Variants in DRD2 observed in about 807,000 individuals in gnomAD.
DRD2 encodes the protein dopamine receptor D2.
In DRD2, 8 loss-of-function variants were observed where a neutral mutation model predicts 38.0. That is an observed-to-expected ratio of 0.21 (90% CI 0.12 to 0.38). The LOEUF (loss-of-function observed/expected upper bound fraction) is 0.38. DRD2 is among the 10% of genes least tolerant of loss of function. DRD2 has a pLI of 1.00. For synonymous variants in DRD2, 230 were observed against 238.6 expected (o/e 0.96, Z 0.33); for missense variants, 403 against 607.7 (o/e 0.66, Z 3.54).
At chr11:113,455,314 A>G (rs1262842640) in intron 1 of DRD2, among the ~76,000 whole-genome samples, 1 of 152,152 alleles carries the variant, frequency 6.6e-6, no homozygotes, top group Non-Finnish European at 1.5e-5. Context: ...GTGAGCTGAG[A>G]TCACACCACA....
intron 1 of DRD2, among the ~76,000 whole-genome samples, chr11:113,430,716 G>C (rs1477772394): frequency 6.6e-6 from 1 of 152,188 alleles, no homozygotes; most frequent in Non-Finnish European, 1.5e-5. Flanking sequence ...GTTCATGGTA[G>C]CGGAGTGAGG....
intron 1 of DRD2, among the ~76,000 whole-genome samples, chr11:113,429,948 A>G (rs1457271724): frequency 1.3e-5 from 2 of 152,244 alleles, no homozygotes; most frequent in Non-Finnish European, 2.9e-5. Context: ...GAGAATGTCA[A>G]CTTTAAAAAT....
At chr11:113,419,491 C>A (rs1166763169) in intron 2 of DRD2, among the ~76,000 whole-genome samples, 1 of 139,192 alleles carries the variant, frequency 7.2e-6, no homozygotes. Context: ...CCGCCCTCCC[C>A]CCTCCCCACG....
intron 1 of DRD2, among the ~76,000 whole-genome samples, chr11:113,431,382 C>G (rs932698191): frequency 6.6e-6 from 1 of 152,176 alleles, no homozygotes. Flanking sequence ...TTCCATGGGT[C>G]CTCTGAGGCC....
At chr11:113,458,024 A>G (rs942295358) in intron 1 of DRD2, among the ~76,000 whole-genome samples, 1 of 152,234 alleles carries the variant, frequency 6.6e-6, no homozygotes, top group East Asian at 1.9e-4. Flanking sequence ...GGGAAGCCAG[A>G]CTGTTGAAAA....
Position 113,415,649 on chromosome 11 carries a change from G to A in DRD2, c.533-38C>T, listed in dbSNP as rs573022587. ...GAGCCCGGGCAGGCAGGGAGTCAGC[G>A]GGCCCACCGGCCATAATTCCACAAG... On this transcript the variant is annotated intron_variant, in intron 4 of 7. Transcript: ENST00000362072. 69 of 1,577,374 alleles carry A rather than the reference G, an allele frequency of 4.4e-5. 1 individual carries two copies. Among genetic ancestry groups the A allele is most frequent in the East Asian group, 3.7e-4 (16 of 42,744 alleles).
chr11:113,472,189 AC>A (rs1324995245), intron 1 of DRD2, among the ~76,000 whole-genome samples: 1 of 152,226 alleles, frequency 6.6e-6, no homozygotes, highest in African/African-American at 2.4e-5. Context: ...ACACACAAAC[AC>A]ATACACATAC....
At chr11:113,434,804 C>A (rs145316998) in intron 1 of DRD2, among the ~76,000 whole-genome samples, 36 of 152,310 alleles carry the variant, frequency 2.4e-4, no homozygotes, top group Non-Finnish European at 4.9e-4. Flanking sequence ...CAGCCAGAGA[C>A]TACCAAGCAT....
chr11:113,413,345 G>C (rs756967048), intron 6 of DRD2: 2 of 526,690 alleles, frequency 3.8e-6, no homozygotes, highest in Non-Finnish European at 7.5e-6. Flanking sequence ...CTGCACCTGC[G>C]TACACACGTG....
At chr11:113,436,663 C>T (rs969542365) in intron 1 of DRD2, among the ~76,000 whole-genome samples, 1 of 152,036 alleles carries the variant, frequency 6.6e-6, no homozygotes, top group East Asian at 1.9e-4. Flanking sequence ...ATAATTTGAT[C>T]GTGGTTAAAG....
chr11:113,456,904 T>C (rs1221689702), intron 1 of DRD2, among the ~76,000 whole-genome samples: 1 of 152,206 alleles, frequency 6.6e-6, no homozygotes, highest in Non-Finnish European at 1.5e-5. Context: ...TCATGTATTT[T>C]TTTAACCACA....
intron 1 of DRD2, among the ~76,000 whole-genome samples, chr11:113,437,606 G>C (rs140819434): frequency 1.4e-3 from 218 of 152,258 alleles, no homozygotes; most frequent in African/African-American, 5.1e-3. Context: ...AGGACATGGG[G>C]CTACTCTGAC....
chr11:113,423,636 C>G (rs949428392), intron 2 of DRD2, among the ~76,000 whole-genome samples: 2 of 152,204 alleles, frequency 1.3e-5, no homozygotes, highest in Non-Finnish European at 2.9e-5. Context: ...AGAGTATTCA[C>G]TGGGTCTGTG....
chr11:113,442,750 G>A (rs1036169491), intron 1 of DRD2, among the ~76,000 whole-genome samples: 2 of 152,170 alleles, frequency 1.3e-5, no homozygotes, highest in African/African-American at 4.8e-5. Flanking sequence ...AATCTCTTCA[G>A]CAACTGAGGT....
At chr11:113,416,185 C>T (rs2138163897) in intron 4 of DRD2, among the ~76,000 whole-genome samples, 1 of 152,350 alleles carries the variant, frequency 6.6e-6, no homozygotes, top group Non-Finnish European at 1.5e-5. Flanking sequence ...TCCTGTGATG[C>T]TTATAATAGA....
intron 1 of DRD2, among the ~76,000 whole-genome samples, chr11:113,453,727 G>A (rs1306967930): frequency 1.3e-5 from 2 of 152,220 alleles, no homozygotes; most frequent in African/African-American, 4.8e-5. Flanking sequence ...GCACACGGAA[G>A]GGGTTGTCCC....
At position 113,455,632 on chromosome 11, in the gene DRD2, T is replaced by C. The variant is rs574156662; in HGVS notation, c.-32+19444A>G. On this transcript the variant is annotated intron_variant, in intron 1 of 7. Transcript: ENST00000362072. ...TTTAAGAATGTGCAAAGGACCTGAA[T>C]AGGCATTTGTCAAAAAAAAGACATG... Among the ~76,000 whole-genome samples the C allele has an allele frequency of 9.2e-5, 14 of 152,268 alleles. No homozygotes were observed. In the South Asian group the frequency reaches 2.1e-3, roughly 23 times the overall value.
intron 1 of DRD2, among the ~76,000 whole-genome samples, chr11:113,462,577 C>G (rs959929490): frequency 2.0e-5 from 3 of 152,178 alleles, no homozygotes; most frequent in African/African-American, 7.2e-5. Context: ...ACAGTATCCT[C>G]CCCTGCAGGC....
intron 1 of DRD2, among the ~76,000 whole-genome samples, chr11:113,464,382 C>T (rs1308204461): frequency 2.0e-5 from 3 of 152,174 alleles, no homozygotes; most frequent in Non-Finnish European, 4.4e-5. Context: ...GACTCTGTTC[C>T]TTTCAGGTGC....
Sources: gnomAD v4.1 joint callset for allele counts (sites outside exome capture counted in the v4.1 genomes callset) on GRCh38, gnomAD v4.1.1 for gene constraint, MANE v1.5 for transcripts, NCBI Gene and HGNC (gene_info 2026-07-23, HGNC 2026-07-21) for gene names.